COL11A1: variants seen among roughly 807,000 people sequenced by gnomAD.
COL11A1 encodes collagen alpha-1(XI) chain.
Under a neutral mutation model 265.2 loss-of-function variants are expected in COL11A1, and 74 were observed. The observed-to-expected ratio is 0.28, with a 90% CI of 0.23 to 0.34. The LOEUF (loss-of-function observed/expected upper bound fraction) is 0.34. Among genes scored for constraint, COL11A1 ranks in the 10% least tolerant of loss-of-function variants. The probability of loss-of-function intolerance (pLI) is 1.00; values close to 1 mark genes in which losing one functional copy is unlikely to be tolerated. For missense variants in COL11A1, 2,165 were observed against 2,263.6 expected, an observed-to-expected ratio of 0.96 and a Z score of 0.88; for synonymous variants, 816 against 727.6, an observed-to-expected ratio of 1.12 and a Z score of -1.96.
intron 4 of COL11A1, among the ~76,000 whole-genome samples, chr1:103,037,391 C>T (rs1420936237): frequency 1.3e-5 from 2 of 151,946 alleles, no homozygotes; most frequent in African/African-American, 4.8e-5. Flanking sequence ...TCAGATTGAA[C>T]TCCTTGTCTT....
At chr1:102,886,659 T>C in intron 63 of COL11A1, 148 bp downstream of exon 63, 1 of 1,145,980 alleles carries the variant, frequency 8.7e-7, no homozygotes, top group East Asian at 2.5e-5. Flanking sequence ...GCAGTATAAA[T>C]GATTTTTTCT....
intron 44 of COL11A1, 122 bp downstream of exon 44, chr1:102,938,913 T>C (rs1658426909): frequency 1.0e-5 from 8 of 796,514 alleles, no homozygotes; most frequent in Non-Finnish European, 1.8e-5. Context: ...GCAGAGGTAA[T>C]GTAGTATTGG....
chr1:103,032,245 G>C (rs1224832013), intron 4 of COL11A1, among the ~76,000 whole-genome samples: 2 of 152,042 alleles, frequency 1.3e-5, no homozygotes, highest in Non-Finnish European at 2.9e-5. Context: ...TAAAAGTCAT[G>C]CTAGCTTTCT....
chr1:103,099,330 T>C (rs1674046068), intron 1 of COL11A1, among the ~76,000 whole-genome samples: 1 of 151,650 alleles, frequency 6.6e-6, no homozygotes, highest in Admixed American at 6.6e-5. Context: ...TACTTCATAA[T>C]ATAATAATTC....
intron 28 of COL11A1, among the ~76,000 whole-genome samples, chr1:102,994,048 T>C (rs78089634): frequency 0.012 from 1,843 of 152,242 alleles, 45 homozygotes; most frequent in African/African-American, 0.042. Context: ...AACATAGTTG[T>C]TTACTTTTAG....
chr1:102,929,093 T>G (rs1256202641), intron 46 of COL11A1, among the ~76,000 whole-genome samples: 2 of 146,650 alleles, frequency 1.4e-5, no homozygotes, highest in Non-Finnish European at 3.0e-5. Context: ...CTCTTTAGTT[T>G]AATTAGATCC....
At chr1:103,012,070 TTAATA>T (rs1666177221) in intron 14 of COL11A1, among the ~76,000 whole-genome samples, 1 of 152,222 alleles carries the variant, frequency 6.6e-6, no homozygotes, top group African/African-American at 2.4e-5. Flanking sequence ...AACATTTTGT[TTAATA>T]TAAAATTAAG....
At chr1:103,100,051 G>A (rs899421143) in intron 1 of COL11A1, 2 of 151,470 alleles carry the variant, frequency 1.3e-5, no homozygotes, top group African/African-American at 4.9e-5. Flanking sequence ...TAGACACTGG[G>A]GACACAAATA....
chr1:102,923,351 C>T lies in COL11A1; in HGVS notation c.3639G>A (p.Gly1213=), dbSNP rs143651470. 8.5e-4 allele frequency: 1,370 copies of T among 1,606,646 alleles called. 1 individual carries two copies. The highest frequency in any genetic ancestry group is 4.6e-3 in the Middle Eastern group (28 of 6,054). The change falls in exon 47 of 67, where the codon GGG becomes GGA. Residue 1213 remains glycine (G), a synonymous_variant. Coordinates refer to ENST00000370096, the MANE Select transcript of COL11A1 (RefSeq NM_001854.4). Reference sequence around the variant, plus strand: ...AAAAACTTACCATGGGACCAACATCCCCATTTTCACCTTTTTCACCAGGTG... The same window carrying T: ...AAAAACTTACCATGGGACCAACATCTCCATTTTCACCTTTTTCACCAGGTG... ...PGPPGEKGEN[G]DVGPMGPPGP...
At chr1:102,882,563 A>G (rs1650398581) in intron 64 of COL11A1, among the ~76,000 whole-genome samples, 1 of 152,108 alleles carries the variant, frequency 6.6e-6, no homozygotes, top group South Asian at 2.1e-4. Context: ...CTGTGCCTCT[A>G]TTGTCCACAC....
At chr1:103,039,056 C>T (rs1234745993) in intron 4 of COL11A1, among the ~76,000 whole-genome samples, 3 of 152,164 alleles carry the variant, frequency 2.0e-5, no homozygotes, top group African/African-American at 4.8e-5. Flanking sequence ...ATTGGAGGGT[C>T]AATCTCTTAA....
At chr1:102,889,639 C>T in intron 58 of COL11A1, 77 bp from the exon 59 acceptor site, 7 of 1,024,742 alleles carry the variant, frequency 6.8e-6, no homozygotes, top group Non-Finnish European at 1.1e-5. Flanking sequence ...AATATTTGCA[C>T]ATTAAATTTC....
chr1:102,934,079 T>C (rs1029181896), intron 46 of COL11A1, among the ~76,000 whole-genome samples: 2 of 152,340 alleles, frequency 1.3e-5, no homozygotes, highest in African/African-American at 2.4e-5. Flanking sequence ...AGCTGTAGAC[T>C]GGAGCTGTTC....
intron 46 of COL11A1, among the ~76,000 whole-genome samples, chr1:102,933,955 C>G (rs569429278): frequency 1.3e-5 from 2 of 151,498 alleles, no homozygotes; most frequent in African/African-American, 2.5e-5. Context: ...GGCTCGCACA[C>G]GGTGCGCGCA....
At chr1:102,948,144 C>A (rs901988542) in intron 41 of COL11A1, among the ~76,000 whole-genome samples, 1 of 151,674 alleles carries the variant, frequency 6.6e-6, no homozygotes, top group Non-Finnish European at 1.5e-5. Flanking sequence ...TTTTATTAAC[C>A]AGGAAACTAA....
chr1:103,055,130 G>A (rs567277025), intron 4 of COL11A1, among the ~76,000 whole-genome samples: 1 of 152,228 alleles, frequency 6.6e-6, no homozygotes, highest in East Asian at 1.9e-4. Context: ...AGGGCTGTCT[G>A]ACTCCAGAGT....
chr1:102,973,616 T>C (rs1467497554), intron 36 of COL11A1, among the ~76,000 whole-genome samples: 1 of 152,188 alleles, frequency 6.6e-6, no homozygotes, highest in African/African-American at 2.4e-5. Flanking sequence ...TCTGTGAAAC[T>C]TTGCAGAGTC....
At chr1:103,069,923 C>T (rs76718023) in intron 4 of COL11A1, among the ~76,000 whole-genome samples, 3,668 of 151,694 alleles carry the variant, frequency 0.024, 56 homozygotes, top group Middle Eastern at 0.051. Flanking sequence ...GGCAAGGAGA[C>T]ATAATGACTG....
intron 66 of COL11A1, among the ~76,000 whole-genome samples, 185 bp from the exon 67 acceptor site, chr1:102,878,350 G>A (rs1343514107): frequency 6.7e-6 from 1 of 150,154 alleles, no homozygotes; most frequent in African/African-American, 2.4e-5. Context: ...ATATTGATTA[G>A]TACATTTAAT....
Sources: gnomAD v4.1 joint callset for allele counts (sites outside exome capture counted in the v4.1 genomes callset) on GRCh38, gnomAD v4.1.1 for gene constraint, MANE v1.5 for transcripts, NCBI Gene and HGNC (gene_info 2026-07-23, HGNC 2026-07-21) for gene names.